The following SLC25A41 variants were observed in gnomAD, a reference collection of about 807,000 sequenced individuals.
The protein encoded by SLC25A41 is solute carrier family 25 member 41, also known as mitochondrial carrier protein SCaMC-3L.
SLC25A41 carries 35 observed loss-of-function variants against 34.7 expected under a neutral mutation model. The observed-to-expected ratio is 1.01, with a 90% CI of 0.77 to 1.34. SLC25A41 has a LOEUF of 1.34. SLC25A41 is among the 40% of genes most tolerant of loss of function. The pLI, the probability that SLC25A41 is intolerant of heterozygous loss-of-function variation, is 0.00. For missense variants in SLC25A41, 492 were observed against 489.8 expected, an observed-to-expected ratio of 1.00 and a Z score of -0.04; for synonymous variants, 190 against 209.9, an observed-to-expected ratio of 0.91 and a Z score of 0.82.
At chr19:6,429,660 C>T (rs987314381) in intron 4 of SLC25A41, 64 bp downstream of exon 4, 3 of 1,228,998 alleles carry the variant, frequency 2.4e-6, no homozygotes, top group African/African-American at 1.5e-5. Context: ...AGGAAGTAGC[C>T]CCAGCAACGT....
chr19:6,430,262 A>T, intron 2 of SLC25A41, 101 bp from the exon 3 acceptor site: 1 of 1,312,060 alleles, frequency 7.6e-7, no homozygotes, highest in Non-Finnish European at 1.0e-6. Context: ...AAGCCACCCA[A>T]CCCCAACCCA....
At position 6,427,267 on chromosome 19, in the gene SLC25A41, C is replaced by T. The variant is rs371613225; in HGVS notation, c.793-17G>A. On this transcript the variant is annotated splice_polypyrimidine_tract_variant and intron_variant, in intron 5 of 6. Transcript: ENST00000321510. This position sits in a 1 kb window ranked among gnomAD's most constrained non-coding sequence, Gnocchi z 4.9. ...CTGGAGCATCTGCAAGAGAAGGGGG[C>T]CAGGAGAAAGCTCACTAGGAGCCTG... 1.3e-5 allele frequency: 21 copies of T among 1,611,476 alleles called. No individual in the cohort carries two copies. The Admixed American group carries it at 2.8e-4, about 22-fold the overall frequency.
chr19:6,434,275 G>C (rs1326796187), upstream of SLC25A41, among the ~76,000 whole-genome samples: 1 of 152,150 alleles, frequency 6.6e-6, no homozygotes, highest in Non-Finnish European at 1.5e-5. Context: ...CTATTTCCCA[G>C]TGGGTTGGAA....
At chr19:6,429,908 G>A in intron 3 of SLC25A41, 77 bp from the exon 4 acceptor site, 1 of 1,587,786 alleles carries the variant, frequency 6.3e-7, no homozygotes, top group Admixed American at 1.8e-5. Flanking sequence ...AGAGGCCTGG[G>A]GTCTGGAGGG....
At chr19:6,429,245 TTATATA>T (rs1236399463) in intron 4 of SLC25A41, among the ~76,000 whole-genome samples, 5 of 105,278 alleles carry the variant, frequency 4.7e-5, no homozygotes, top group African/African-American at 1.4e-4. Context: ...TATGAAAATG[TTATATA>T]TATGTATATG....
chr19:6,433,728 AG>A lies in SLC25A41; in HGVS notation c.-36del. The A allele has an allele frequency of 6.7e-7, 1 of 1,487,102 alleles. No individual in the cohort carries two copies. The allele number at this position is 1,487,102 out of a possible 1,614,324, so 92.1% of individuals were successfully genotyped here. ...TAGGACACCTGGCTTCAAATCCCTA[AG>A]CAGTTGTTTGCTGCTCCAGCTACCA... On this transcript the variant is annotated 5_prime_UTR_variant, in exon 1 of 7. It introduces an in-frame stop codon into an upstream open reading frame of the 5' UTR. Coordinates refer to ENST00000321510, the MANE Select transcript of SLC25A41 (RefSeq NM_173637.4).
In SLC25A41 at chr19:6,430,052, T is replaced by C. The variant is rs777325411; in HGVS notation, c.473A>G (p.Lys158Arg). The change falls in exon 3 of 7, where the codon AAG becomes AGG. Residue 158 changes from lysine to arginine, a missense_variant. Coordinates refer to ENST00000321510, the MANE Select transcript of SLC25A41 (RefSeq NM_173637.4). ...CTTGATGGCATACTCAGGAGCAATC[T>C]TGAGCACGTTGATGCCGTTGCCCCG... ...LWRGNGINVL[K>R]IAPEYAIKFS... The C allele has an allele frequency of 2.0e-5, 33 of 1,612,282 alleles. No individual in the cohort carries two copies. The highest frequency in any genetic ancestry group is 2.5e-5 in the Non-Finnish European group (30 of 1,179,200).
intron 1 of SLC25A41, among the ~76,000 whole-genome samples, chr19:6,432,861 T>A (rs1053986772): frequency 6.6e-6 from 1 of 151,556 alleles, no homozygotes; most frequent in Admixed American, 6.6e-5. Context: ...AGAGGCAGGG[T>A]TTCACCATGT....
Position 6,426,545 on chromosome 19 carries a change from T to G in SLC25A41, c.957A>C (p.Ser319=). The G allele has an allele frequency of 6.2e-7, 1 of 1,613,004 alleles. No homozygotes were observed. Among genetic ancestry groups the G allele is most frequent in the Non-Finnish European group, 8.5e-7 (1 of 1,179,746 alleles). The change falls in exon 7 of 7, where the codon TCA becomes TCC. Residue 319 remains serine, a synonymous_variant. Coordinates refer to ENST00000321510, the MANE Select transcript of SLC25A41 (RefSeq NM_173637.4). The part of the protein sequence containing the change: ...RMQAQDTVEG[S]NPTMRGVLQR... ...GGAGGACTCCGCGCATGGTGGGATT[T>G]GAGCCCTCCACGGTATCTGCAGGGA...
At chr19:6,433,254 G>C (rs148355568) in intron 1 of SLC25A41, among the ~76,000 whole-genome samples, 1,931 of 152,030 alleles carry the variant, frequency 0.013, 33 homozygotes, top group African/African-American at 0.044. Flanking sequence ...TCGGCATGTT[G>C]GCCAGGTTGG....
At chr19:6,429,060 T>A (rs1443659028) in intron 4 of SLC25A41, among the ~76,000 whole-genome samples, 741 of 11,148 alleles carry the variant, frequency 0.066, 181 homozygotes, top group African/African-American at 0.13. Flanking sequence ...TATATATATG[T>A]TATATATATA....
At chr19:6,435,380 G>A (rs890241075), upstream of SLC25A41, among the ~76,000 whole-genome samples, 1 of 151,906 alleles carries the variant, frequency 6.6e-6, no homozygotes, top group Admixed American at 6.6e-5. Context: ...TCAGCCACCC[G>A]AGTGGCTAGG....
At chr19:6,430,893 A>T (rs2145146131) in intron 2 of SLC25A41, among the ~76,000 whole-genome samples, 1 of 152,172 alleles carries the variant, frequency 6.6e-6, no homozygotes, top group South Asian at 2.1e-4. Context: ...AGCTCACTGC[A>T]GCCCCAAACT....
chr19:6,427,804 T>C lies in SLC25A41; in HGVS notation c.625-303A>G, dbSNP rs113487435. On this transcript the variant is annotated intron_variant, in intron 4 of 6. Coordinates refer to ENST00000321510, the MANE Select transcript of SLC25A41 (RefSeq NM_173637.4). This position sits in a 1 kb window ranked among gnomAD's most constrained non-coding sequence, Gnocchi z 4.9. ...GAGTTCGAGACCAGCCTGGGCAACATAGCGAGACCCCATCTTTACAAAAAA... is the reference window on the plus strand; with the variant it reads ...GAGTTCGAGACCAGCCTGGGCAACACAGCGAGACCCCATCTTTACAAAAAA... 4.4e-3 allele frequency among the ~76,000 whole-genome samples: 665 copies of C among 152,106 alleles called. 2 individuals carry two copies. The highest frequency in any genetic ancestry group is 0.015 in the African/African-American group (637 of 41,498).
intron 1 of SLC25A41, 82 bp from the exon 2 acceptor site, chr19:6,432,286 G>GT: frequency 4.9e-6 from 7 of 1,440,704 alleles, no homozygotes; most frequent in Non-Finnish European, 6.6e-6. Context: ...CACCCACCTG[G>GT]TGAAAGACCC....
At chr19:6,429,149 ATATAT>A (rs2092266607) in intron 4 of SLC25A41, among the ~76,000 whole-genome samples, 1 of 45,134 alleles carries the variant, frequency 2.2e-5, no homozygotes, top group Non-Finnish European at 3.5e-5. Context: ...TATATAATAT[ATATAT>A]TATATATATA....
chr19:6,429,871 C>T (rs758404660), intron 3 of SLC25A41, 40 bp from the exon 4 acceptor site: 7 of 1,601,930 alleles, frequency 4.4e-6, no homozygotes, highest in Non-Finnish European at 5.1e-6. Context: ...AAGTCAGCCA[C>T]CCTCCGACAC....
Position 6,433,711 on chromosome 19 carries a change from C to A in SLC25A41, c.-18G>T. On this transcript the variant is annotated 5_prime_UTR_variant, in exon 1 of 7. It adds an upstream start codon to the 5' untranslated region. Transcript: ENST00000321510. ...GCGCCCATGGAGGAAGTTAGGACACCTGGCTTCAAATCCCTAAGCAGTTGT... is the reference window on the plus strand; with the variant it reads ...GCGCCCATGGAGGAAGTTAGGACACATGGCTTCAAATCCCTAAGCAGTTGT... 6.6e-7 allele frequency: 1 copy of A among 1,523,000 alleles called. No individual in the cohort carries two copies. Among genetic ancestry groups the A allele is most frequent in the Non-Finnish European group, 8.8e-7 (1 of 1,131,084 alleles). 94.3% of individuals were successfully genotyped at this position (1,523,000 alleles called of 1,614,324 possible).
upstream of SLC25A41, among the ~76,000 whole-genome samples, chr19:6,435,888 G>A (rs1275607873): frequency 6.6e-6 from 1 of 151,986 alleles, no homozygotes; most frequent in Admixed American, 6.6e-5. Flanking sequence ...AGGCATGGTG[G>A]TGTGTGCCTG....
Sources: gnomAD v4.1 joint callset for allele counts (sites outside exome capture counted in the v4.1 genomes callset) on GRCh38, gnomAD v4.1.1 for gene constraint, Gnocchi (gnomAD v3.1) non-coding constraint, MANE v1.5 for transcripts, NCBI Gene and HGNC (gene_info 2026-07-23, HGNC 2026-07-21) for gene names.